The following DNAH8 variants were observed in gnomAD, a reference collection of about 807,000 sequenced individuals.
DNAH8 encodes the protein axonemal beta dynein heavy chain 8.
A neutral mutation model predicts 562.1 loss-of-function variants in DNAH8; 382 were observed. The observed-to-expected ratio is 0.68, with a 90% CI of 0.63 to 0.74. The LOEUF is 0.74. Among genes scored for constraint, DNAH8 ranks in the 30% least tolerant of loss-of-function variants. The probability of loss-of-function intolerance (pLI) is 0.00; values close to 1 mark genes in which losing one functional copy is unlikely to be tolerated. For missense variants in DNAH8, 5,203 were observed against 5,620.4 expected (o/e 0.93, Z 2.37); for synonymous variants, 1,881 against 1,919.4 (o/e 0.98, Z 0.52).
intron 75 of DNAH8, among the ~76,000 whole-genome samples, chr6:38,929,889 G>A (rs938229547): frequency 6.6e-6 from 1 of 151,758 alleles, no homozygotes; most frequent in Non-Finnish European, 1.5e-5. Flanking sequence ...TTTTTATAGC[G>A]TATAAAAGTT....
At chr6:38,722,518 C>T (rs909931621) in intron 1 of DNAH8, among the ~76,000 whole-genome samples, 4 of 151,738 alleles carry the variant, frequency 2.6e-5, no homozygotes, top group African/African-American at 9.7e-5. Context: ...GAGGGACAGT[C>T]CCCTAGAGCC....
chr6:38,859,246 C>T (rs546270664), intron 42 of DNAH8, among the ~76,000 whole-genome samples: 1 of 152,298 alleles, frequency 6.6e-6, no homozygotes, highest in African/African-American at 2.4e-5. Context: ...ATCCCCATGG[C>T]CTTGAGTCCT....
At chr6:38,746,608 A>T (rs1203490551) in intron 8 of DNAH8, among the ~76,000 whole-genome samples, 1 of 152,126 alleles carries the variant, frequency 6.6e-6, no homozygotes, top group Non-Finnish European at 1.5e-5. Flanking sequence ...TTTGTCTTTC[A>T]TGTATTGTTT....
chr6:38,734,429 A>T, intron 4 of DNAH8, 45 bp from the exon 5 acceptor site: 1 of 1,575,396 alleles, frequency 6.3e-7, no homozygotes, highest in Non-Finnish European at 8.6e-7. Context: ...ATCTCATTTG[A>T]TTAGTTGTGT....
At chr6:39,025,469 G>A (rs1583589795) in intron 91 of DNAH8, among the ~76,000 whole-genome samples, 1 of 152,214 alleles carries the variant, frequency 6.6e-6, no homozygotes, top group East Asian at 1.9e-4. Flanking sequence ...AGCAATGAAA[G>A]CATGACCATA....
At position 38,919,490 on chromosome 6, in the gene DNAH8, A is replaced by C. The variant is rs578054085; in HGVS notation, c.10524+1350A>C. Reference sequence around the variant, plus strand: ...CCTGTAAATTAGAGAGGCAGTCCCGAGTAGGCATAAATTAGTAATTATATA... The same window carrying C: ...CCTGTAAATTAGAGAGGCAGTCCCGCGTAGGCATAAATTAGTAATTATATA... On this transcript the variant is annotated intron_variant, in intron 70 of 92. Coordinates refer to ENST00000327475, the MANE Select transcript of DNAH8 (RefSeq NM_001206927.2). Among the ~76,000 whole-genome samples the C allele has an allele frequency of 2.6e-4, 40 of 152,264 alleles. 1 individual carries two copies. Among genetic ancestry groups the C allele is most frequent in the African/African-American group, 9.6e-4 (40 of 41,560 alleles).
intron 3 of DNAH8, among the ~76,000 whole-genome samples, chr6:38,724,145 AT>A (rs557861602): frequency 2.0e-5 from 3 of 150,752 alleles, no homozygotes; most frequent in African/African-American, 2.4e-5. Context: ...GCCCAGCTAA[AT>A]TTTTTTTTGT....
At chr6:38,894,379 C>CTA (rs1779538398) in intron 58 of DNAH8, among the ~76,000 whole-genome samples, 1 of 152,138 alleles carries the variant, frequency 6.6e-6, no homozygotes, top group Non-Finnish European at 1.5e-5. Context: ...TGATTATTCC[C>CTA]ACAGTTCATA....
chr6:38,778,580 C>G, intron 14 of DNAH8, 116 bp downstream of exon 14: 1 of 595,410 alleles, frequency 1.7e-6, no homozygotes, highest in South Asian at 2.9e-5. Context: ...TTAAAACTTA[C>G]AAACATAAAC....
chr6:38,883,509 T>C, intron 55 of DNAH8, 53 bp downstream of exon 55: 2 of 1,519,082 alleles, frequency 1.3e-6, no homozygotes, highest in Non-Finnish European at 1.8e-6. Flanking sequence ...TTTAAATTAG[T>C]GGTTACAATA....
chr6:38,970,721 A>G (rs1763276750), intron 82 of DNAH8, among the ~76,000 whole-genome samples: 1 of 152,108 alleles, frequency 6.6e-6, no homozygotes, highest in Non-Finnish European at 1.5e-5. Context: ...ACTGGTTCAC[A>G]ATGTCTCCAT....
chr6:38,716,402 G>T (rs561019442), intron 1 of DNAH8, among the ~76,000 whole-genome samples: 1 of 152,128 alleles, frequency 6.6e-6, no homozygotes, highest in South Asian at 2.1e-4. Flanking sequence ...TCCCAAGATA[G>T]TTGTGCCTCT....
chr6:38,982,677 A>G (rs888883107), intron 86 of DNAH8, among the ~76,000 whole-genome samples: 1 of 152,148 alleles, frequency 6.6e-6, no homozygotes, highest in African/African-American at 2.4e-5. Flanking sequence ...GTGTGTTGCA[A>G]AATACCGCAG....
intron 91 of DNAH8, among the ~76,000 whole-genome samples, chr6:39,016,786 G>GTGAC (rs1358480351): frequency 6.6e-6 from 1 of 152,126 alleles, no homozygotes; most frequent in Non-Finnish European, 1.5e-5. Context: ...TGACCCTCTG[G>GTGAC]TGACTGCTCC....
Position 38,715,903 on chromosome 6 carries a change from AAAAT to A in DNAH8, c.-35+510_-35+513del, listed in dbSNP as rs767028862. ...AACCACCTGTACCCGAAAAGCTATTAAAATAAATAAATAAATAAATAAATATATA... is the reference window on the plus strand; with the variant it reads ...AACCACCTGTACCCGAAAAGCTATTAAAATAAATAAATAAATAAATATATA... On this transcript the variant is annotated intron_variant, in intron 1 of 92. Coordinates refer to ENST00000327475, the MANE Select transcript of DNAH8 (RefSeq NM_001206927.2). Among the ~76,000 whole-genome samples, 88 of 65,212 alleles carry A rather than the reference AAAAT, an allele frequency of 1.3e-3. 9 individuals carry two copies. The highest frequency in any genetic ancestry group is 4.7e-3 in the African/African-American group (53 of 11,322). 42.8% of individuals were successfully genotyped at this position (65,212 alleles called of 152,430 possible).
intron 88 of DNAH8, among the ~76,000 whole-genome samples, chr6:39,003,518 A>G (rs1765614141): frequency 6.6e-6 from 1 of 152,258 alleles, no homozygotes; most frequent in Non-Finnish European, 1.5e-5. Flanking sequence ...TAATAATTAC[A>G]TAAAAAGCTC....
At chr6:38,830,634 C>CAAAAAAAAAAAAAAAAAAAAA (rs56761180) in intron 30 of DNAH8, among the ~76,000 whole-genome samples, 1 of 90,454 alleles carries the variant, frequency 1.1e-5, no homozygotes, top group Non-Finnish European at 2.2e-5. Flanking sequence ...GACTCTATCT[C>CAAAAAAAAAAAAAAAAAAAAA]AAAAAAAAAA....
In DNAH8 at chr6:38,870,566, A is replaced by C; in HGVS notation, c.6990+4A>C. 1 of 1,611,542 alleles carries C rather than the reference A, an allele frequency of 6.2e-7. No individual in the cohort carries two copies. Among genetic ancestry groups the C allele is most frequent in the South Asian group, 1.1e-5 (1 of 90,754 alleles). On this transcript the variant is annotated splice_donor_region_variant and intron_variant, in intron 49 of 92. Coordinates refer to ENST00000327475, the MANE Select transcript of DNAH8 (RefSeq NM_001206927.2). ...CTGGAACCTGAAACTCGTGCAGGTA[A>C]AGACATTTTAATCTATTATTAGTAT...
chr6:38,878,465 C>G (rs535504117), intron 53 of DNAH8, among the ~76,000 whole-genome samples: 2 of 151,882 alleles, frequency 1.3e-5, no homozygotes, highest in African/African-American at 4.8e-5. Flanking sequence ...AAGAAAGAAC[C>G]ATGATCAAAG....
Sources: gnomAD v4.1 joint callset for allele counts (sites outside exome capture counted in the v4.1 genomes callset) on GRCh38, gnomAD v4.1.1 for gene constraint, MANE v1.5 for transcripts, NCBI Gene and HGNC (gene_info 2026-07-23, HGNC 2026-07-21) for gene names.